The following MAST4 variants were observed in gnomAD, a reference collection of about 807,000 sequenced individuals.
MAST4 encodes microtubule associated serine/threonine kinase family member 4, also known as microtubule-associated serine/threonine-protein kinase 4.
Under a neutral mutation model 162.7 loss-of-function variants are expected in MAST4, and 89 were observed. The observed-to-expected ratio is 0.55, with a 90% confidence interval of 0.46 to 0.65. The LOEUF (loss-of-function observed/expected upper bound fraction) is 0.65. Ranked by LOEUF, MAST4 falls within the 30% of genes least tolerant of loss-of-function variation. The pLI is 0.00. For missense variants in MAST4, 3,153 were observed against 3,374.0 expected (o/e 0.93, Z 1.62); for synonymous variants, 1,479 against 1,361.1 (o/e 1.09, Z -1.91).
intron 5 of MAST4, among the ~76,000 whole-genome samples, chr5:67,056,312 G>C (rs1279868492): frequency 1.3e-5 from 2 of 152,070 alleles, no homozygotes; most frequent in Admixed American, 6.5e-5. Context: ...ATCCTACAGA[G>C]GGTCAAACAG....
intron 1 of MAST4, among the ~76,000 whole-genome samples, chr5:66,634,895 A>G (rs1745007176): frequency 6.6e-6 from 1 of 152,156 alleles, no homozygotes; most frequent in African/African-American, 2.4e-5. Context: ...TTCTCTTAGG[A>G]CAGTGCTCTT....
At chr5:67,127,426 G>C (rs1768384864) in intron 14 of MAST4, among the ~76,000 whole-genome samples, 1 of 152,118 alleles carries the variant, frequency 6.6e-6, no homozygotes, top group South Asian at 2.1e-4. Flanking sequence ...CTAGTTTATT[G>C]AGAGTTTTTA....
At chr5:67,012,009 TGA>T (rs552690656) in intron 4 of MAST4, among the ~76,000 whole-genome samples, 221 of 152,282 alleles carry the variant, frequency 1.5e-3, no homozygotes, top group Non-Finnish European at 2.6e-3. Flanking sequence ...TGTGTGTGTG[TGA>T]GAGAGAGTGT....
chr5:67,128,013 C>T (rs1019493182), intron 14 of MAST4, among the ~76,000 whole-genome samples: 2 of 152,038 alleles, frequency 1.3e-5, no homozygotes, highest in African/African-American at 4.8e-5. Flanking sequence ...GAAACAAGAA[C>T]TTGAAGCAAT....
intron 3 of MAST4, among the ~76,000 whole-genome samples, chr5:66,876,709 G>A (rs1169304742): frequency 6.6e-6 from 1 of 152,134 alleles, no homozygotes; most frequent in South Asian, 2.1e-4. Flanking sequence ...ATGACCCAGC[G>A]GCCTCAATCC....
At chr5:66,785,803 A>C (rs764787687) in intron 2 of MAST4, among the ~76,000 whole-genome samples, 7 of 152,184 alleles carry the variant, frequency 4.6e-5, no homozygotes, top group Non-Finnish European at 1.0e-4. Flanking sequence ...AAAAGAATAA[A>C]CTTATTTCCT....
intron 4 of MAST4, among the ~76,000 whole-genome samples, chr5:67,045,539 A>G (rs559800702): frequency 2.2e-4 from 34 of 152,226 alleles, no homozygotes; most frequent in Non-Finnish European, 3.8e-4. Flanking sequence ...GACCACATAT[A>G]TGAAGGACTG....
At chr5:66,889,817 TA>T (rs1241850549) in intron 3 of MAST4, among the ~76,000 whole-genome samples, 1 of 152,222 alleles carries the variant, frequency 6.6e-6, no homozygotes, top group Non-Finnish European at 1.5e-5. Flanking sequence ...CCCCATAAGA[TA>T]AGCTGTATTA....
At chr5:66,961,684 G>A (rs1457796327) in intron 4 of MAST4, among the ~76,000 whole-genome samples, 10 of 152,066 alleles carry the variant, frequency 6.6e-5, no homozygotes, top group Non-Finnish European at 2.9e-5. Context: ...TAGACACTTC[G>A]TAGCACTCAT....
intron 5 of MAST4, among the ~76,000 whole-genome samples, chr5:67,057,927 T>C (rs1759058189): frequency 6.8e-6 from 1 of 147,628 alleles, no homozygotes; most frequent in African/African-American, 2.6e-5. Context: ...TGAAATGATA[T>C]GTCATTGCAA....
chr5:66,837,723 C>G (rs391890), intron 3 of MAST4, among the ~76,000 whole-genome samples: 1 of 151,460 alleles, frequency 6.6e-6, no homozygotes, highest in South Asian at 2.1e-4. Context: ...ACCCACTGCT[C>G]TTAGGGGACT....
chr5:67,069,502 A>T (rs1289770076), intron 5 of MAST4, among the ~76,000 whole-genome samples: 1 of 151,936 alleles, frequency 6.6e-6, no homozygotes, highest in East Asian at 1.9e-4. Flanking sequence ...TATTAAAGAT[A>T]AAAGAATGGG....
chr5:67,120,337 A>G (rs1254943797), intron 13 of MAST4, among the ~76,000 whole-genome samples: 1 of 152,194 alleles, frequency 6.6e-6, no homozygotes. Flanking sequence ...AAACAATAGG[A>G]AGGGAATTCT....
intron 3 of MAST4, among the ~76,000 whole-genome samples, chr5:66,822,676 T>G (rs1422947271): frequency 6.6e-6 from 1 of 152,182 alleles, no homozygotes; most frequent in Non-Finnish European, 1.5e-5. Flanking sequence ...CGTTTCTCTC[T>G]TATAGGCACA....
At chr5:67,153,044 C>T (rs766321058) in intron 25 of MAST4, among the ~76,000 whole-genome samples, 178 bp downstream of exon 25, 7 of 152,242 alleles carry the variant, frequency 4.6e-5, no homozygotes, top group East Asian at 3.8e-4. Flanking sequence ...TTAGCAAAAA[C>T]GAATATCTCA....
chr5:67,166,220 A>G lies in MAST4; in HGVS notation c.7041A>G (p.Lys2347=). 1.3e-6 allele frequency: 2 copies of G among 1,551,842 alleles called. No homozygotes were observed. Among genetic ancestry groups the G allele is most frequent in the East Asian group, 2.4e-5 (1 of 40,960 alleles). Residue 2347 remains lysine (K), a synonymous_variant, in exon 29 of 29, where the codon AAA becomes AAG. Coordinates refer to ENST00000403625, the MANE Select transcript of MAST4 (RefSeq NM_001164664.2). ...STVKDCPTLC[K]QTDNRQTDKS... ...TGAAAGATTGCCCCACCCTGTGCAAACAGACAGACAACAGACAGACAGACA... is the reference window on the plus strand; with the variant it reads ...TGAAAGATTGCCCCACCCTGTGCAAGCAGACAGACAACAGACAGACAGACA...
chr5:67,083,830 G>C (rs1231187823), intron 5 of MAST4, among the ~76,000 whole-genome samples: 5 of 152,148 alleles, frequency 3.3e-5, no homozygotes, highest in Non-Finnish European at 5.9e-5. Flanking sequence ...AGGGGTAAAA[G>C]TAATCTCTTC....
At chr5:66,784,661 T>A (rs1417909906) in intron 2 of MAST4, among the ~76,000 whole-genome samples, 5 of 152,118 alleles carry the variant, frequency 3.3e-5, no homozygotes, top group Non-Finnish European at 5.9e-5. Flanking sequence ...ATTATTCTTT[T>A]GTGTGTGTGT....
chr5:67,055,246 A>C (rs1355240935), intron 5 of MAST4, among the ~76,000 whole-genome samples: 4 of 152,198 alleles, frequency 2.6e-5, no homozygotes, highest in African/African-American at 9.7e-5. Context: ...AGGCAGAGGA[A>C]GGTCAGGAAG....
Sources: gnomAD v4.1 joint callset for allele counts (sites outside exome capture counted in the v4.1 genomes callset) on GRCh38, gnomAD v4.1.1 for gene constraint, MANE v1.5 for transcripts, NCBI Gene and HGNC (gene_info 2026-07-23, HGNC 2026-07-21) for gene names.